RCL1: variants seen among roughly 807,000 people sequenced by gnomAD.
The protein encoded by RCL1 is RNA terminal phosphate cyclase like 1, also known as RNA 3'-terminal phosphate cyclase-like protein.
Under a neutral mutation model 42.4 loss-of-function variants are expected in RCL1, and 24 were observed. The observed-to-expected ratio is 0.57, with a 90% CI of 0.41 to 0.80. The LOEUF (loss-of-function observed/expected upper bound fraction) is 0.80, where lower values mean the gene tolerates loss of function less well. RCL1 is among the 30% of genes least tolerant of loss of function. The probability of loss-of-function intolerance (pLI) is 0.00; values close to 1 mark genes in which losing one functional copy is unlikely to be tolerated. For synonymous variants in RCL1, 228 were observed against 177.3 expected, an observed-to-expected ratio of 1.29 and a Z score of -2.27; for missense variants, 578 against 467.9, an observed-to-expected ratio of 1.24 and a Z score of -2.17.
At chr9:4,848,794 T>A (rs1267257268) in intron 7 of RCL1, among the ~76,000 whole-genome samples, 2 of 152,150 alleles carry the variant, frequency 1.3e-5, no homozygotes, top group African/African-American at 4.8e-5. Flanking sequence ...CTTGTTAATT[T>A]GGAAGAAAGG....
At chr9:4,833,284 A>C in intron 4 of RCL1, 56 bp downstream of exon 4, 1 of 1,309,050 alleles carries the variant, frequency 7.6e-7, no homozygotes. Context: ...TTTCCCACTG[A>C]CTCATTGGAA....
chr9:4,858,429 C>G (rs373983453), intron 8 of RCL1, among the ~76,000 whole-genome samples: 1 of 152,044 alleles, frequency 6.6e-6, no homozygotes, highest in African/African-American at 2.4e-5. Flanking sequence ...GTTAAGAAAC[C>G]GTTGCCTAGC....
intron 1 of RCL1, among the ~76,000 whole-genome samples, chr9:4,794,769 A>G (rs1842886931): frequency 6.6e-6 from 1 of 151,942 alleles, no homozygotes; most frequent in Non-Finnish European, 1.5e-5. Flanking sequence ...GTTCCAAAGT[A>G]TGCTTCTCCT....
chr9:4,828,043 A>G (rs443873), intron 3 of RCL1, among the ~76,000 whole-genome samples: 110,838 of 151,772 alleles, frequency 0.73, 42,451 homozygotes, highest in East Asian at 0.92. Context: ...AAAATTAGCC[A>G]GGCATGGTGG....
At chr9:4,804,409 C>G (rs1465040897) in intron 1 of RCL1, 1 of 152,384 alleles carries the variant, frequency 6.6e-6, no homozygotes, top group African/African-American at 2.4e-5. Flanking sequence ...CCTTTGCTCA[C>G]ACTGAAGACC....
chr9:4,802,626 AT>A (rs150062908), intron 1 of RCL1, among the ~76,000 whole-genome samples: 8,716 of 151,416 alleles, frequency 0.058, 452 homozygotes, highest in African/African-American at 0.13. Context: ...CAAAATGTTC[AT>A]TTTTTTTTAC....
chr9:4,820,449 G>C (rs1178428687), intron 1 of RCL1, among the ~76,000 whole-genome samples: 3 of 152,198 alleles, frequency 2.0e-5, no homozygotes, highest in Non-Finnish European at 4.4e-5. Flanking sequence ...ATCAGGGATG[G>C]TCCTGCCTGG....
intron 1 of RCL1, among the ~76,000 whole-genome samples, chr9:4,802,687 T>TATTATTAC (rs1587692929): frequency 6.6e-6 from 1 of 152,314 alleles, no homozygotes; most frequent in Non-Finnish European, 1.5e-5. Flanking sequence ...TTTTATTACA[T>TATTATTAC]ATTTATTAAG....
At chr9:4,818,261 A>G (rs1361202808) in intron 1 of RCL1, among the ~76,000 whole-genome samples, 1 of 152,054 alleles carries the variant, frequency 6.6e-6, no homozygotes, top group Non-Finnish European at 1.5e-5. Context: ...TTTCTTTGGT[A>G]GAATCTCATC....
Position 4,827,005 on chromosome 9 carries a change from G to T in RCL1, c.356G>T (p.Gly119Val). ...MKHPLKIVLRGVTNDQVDPSV... is the reference protein window; with the variant it reads ...MKHPLKIVLRVVTNDQVDPSV... Reference sequence around the variant, plus strand: ...CACCCGTTAAAAATAGTTCTACGAGGAGTGACCAATGATCAGGTTGACCCT... The same window carrying T: ...CACCCGTTAAAAATAGTTCTACGAGTAGTGACCAATGATCAGGTTGACCCT... Residue 119 changes from glycine (G) to valine (V), a missense_variant, in exon 3 of 9, where the codon GGA (glycine) becomes GTA (valine). Physicochemically the swap from Gly to Val is moderately radical, Grantham distance 109 (BLOSUM62 -3). Transcript: ENST00000381750. 1 of 1,614,166 alleles carries T rather than the reference G, an allele frequency of 6.2e-7. No homozygotes were observed. The highest frequency in any genetic ancestry group is 8.5e-7 in the Non-Finnish European group (1 of 1,180,042).
intron 3 of RCL1, chr9:4,827,252 C>T: frequency 6.8e-7 from 1 of 1,477,050 alleles, no homozygotes; most frequent in Non-Finnish European, 9.0e-7. Flanking sequence ...ACCAAGGTGC[C>T]TTTTGTTGTT....
Position 4,814,900 on chromosome 9 carries a change from G to GT in RCL1, c.137-8638dup, listed in dbSNP as rs529358976. Among the ~76,000 whole-genome samples, 31 of 148,436 alleles carry GT rather than the reference G, an allele frequency of 2.1e-4. No homozygotes were observed. The South Asian group carries it at 2.1e-3, about 10-fold the overall frequency. ...TTTGGGTATAGTGTTTTTGGTTGAC[G>GT]TTTTTTTTTTCTTTCAGCATTTTGA... On this transcript the variant is annotated intron_variant, in intron 1 of 8. Coordinates refer to ENST00000381750, the MANE Select transcript of RCL1 (RefSeq NM_005772.5).
chr9:4,803,592 CTTTGATT>C (rs1226257946), intron 1 of RCL1, among the ~76,000 whole-genome samples: 1 of 152,054 alleles, frequency 6.6e-6, no homozygotes, highest in Non-Finnish European at 1.5e-5. Flanking sequence ...CCCAACTGTT[CTTTGATT>C]TTTATCTTTT....
At chr9:4,806,414 T>C (rs184848206) in intron 1 of RCL1, among the ~76,000 whole-genome samples, 1 of 152,334 alleles carries the variant, frequency 6.6e-6, no homozygotes. Context: ...ACAGTTTTTC[T>C]AAGTGTCTTT....
At chr9:4,797,084 C>T (rs778466283) in intron 1 of RCL1, among the ~76,000 whole-genome samples, 8 of 152,110 alleles carry the variant, frequency 5.3e-5, no homozygotes, top group African/African-American at 1.2e-4. Flanking sequence ...GGTTTGAGTA[C>T]GAGTTCTGCC....
At chr9:4,799,057 C>T (rs564870077) in intron 1 of RCL1, among the ~76,000 whole-genome samples, 1 of 120,114 alleles carries the variant, frequency 8.3e-6, no homozygotes, top group Admixed American at 8.4e-5. Context: ...CTCTCCCTCC[C>T]CCATCCCTCT....
chr9:4,828,416 C>T (rs1300930322), intron 3 of RCL1, among the ~76,000 whole-genome samples: 1 of 152,158 alleles, frequency 6.6e-6, no homozygotes, highest in African/African-American at 2.4e-5. Context: ...GCAATAAAAA[C>T]TTATTCTTCA....
At chr9:4,826,313 A>G (rs1207195204) in intron 2 of RCL1, among the ~76,000 whole-genome samples, 1 of 152,214 alleles carries the variant, frequency 6.6e-6, no homozygotes, top group Non-Finnish European at 1.5e-5. Flanking sequence ...AGTTTCCACT[A>G]AAGCCGTAAA....
chr9:4,802,893 C>CT (rs1425938980), intron 1 of RCL1, among the ~76,000 whole-genome samples: 1 of 152,158 alleles, frequency 6.6e-6, no homozygotes, highest in Non-Finnish European at 1.5e-5. Flanking sequence ...CGACCTTAGC[C>CT]TACTGCAACC....
Sources: allele counts gnomAD v4.1 joint callset (sites outside exome capture counted in the v4.1 genomes callset), GRCh38; gene constraint gnomAD v4.1.1; transcripts MANE v1.5; gene names NCBI Gene and HGNC (gene_info 2026-07-23, HGNC 2026-07-21).